Variants in LRCH1 observed in about 807,000 individuals in gnomAD.
LRCH1 encodes leucine-rich repeat and calponin homology domain-containing protein 1.
In LRCH1, 23 loss-of-function variants were observed where a neutral mutation model predicts 94.9. The ratio of observed to expected loss-of-function variants is 0.24; its 90% CI spans 0.17 to 0.34. LRCH1 has a LOEUF of 0.34. Among genes scored for constraint, LRCH1 ranks in the 10% least tolerant of loss-of-function variants. The pLI is 1.00. For missense variants in LRCH1, 790 were observed against 945.9 expected, an observed-to-expected ratio of 0.84 and a Z score of 2.16; for synonymous variants, 364 against 354.9, an observed-to-expected ratio of 1.03 and a Z score of -0.29.
At chr13:46,659,382 A>G (rs2051416646) in intron 2 of LRCH1, among the ~76,000 whole-genome samples, 1 of 151,898 alleles carries the variant, frequency 6.6e-6, no homozygotes, top group Non-Finnish European at 1.5e-5. Flanking sequence ...TATTTGAGAC[A>G]GGGTTTCACC....
chr13:46,742,739 T>C lies in LRCH1; in HGVS notation c.*891T>C, dbSNP rs563361905. On this transcript the variant is annotated 3_prime_UTR_variant, in exon 20 of 20. Transcript: ENST00000389797. ...ACTGCCGGTCCAGAATGTGACGGAT[T>C]CGACTCTATTCATTTTCAAATAAAG... The C allele has an allele frequency of 2.3e-5, 23 of 985,480 alleles. No homozygotes were observed. Among genetic ancestry groups the C allele is most frequent in the East Asian group, 1.1e-4 (1 of 8,822 alleles). The allele number at this position is 985,480 out of a possible 1,614,324, so 61.0% of individuals were successfully genotyped here.
At chr13:46,682,823 C>T (rs1264622857) in intron 4 of LRCH1, among the ~76,000 whole-genome samples, 1 of 152,184 alleles carries the variant, frequency 6.6e-6, no homozygotes, top group Non-Finnish European at 1.5e-5. Flanking sequence ...GCTTCCATAG[C>T]ATGTCTGTCC....
At chr13:46,708,356 C>T (rs1258174388) in intron 13 of LRCH1, among the ~76,000 whole-genome samples, 2 of 150,976 alleles carry the variant, frequency 1.3e-5, no homozygotes, top group Non-Finnish European at 2.9e-5. Context: ...ACTGCAACCT[C>T]CACCTCGTGG....
chr13:46,715,295 G>A (rs577761877), intron 15 of LRCH1, among the ~76,000 whole-genome samples: 1 of 152,248 alleles, frequency 6.6e-6, no homozygotes, highest in South Asian at 2.1e-4. Flanking sequence ...TGGGCTTGCA[G>A]AACTGTTAAG....
In LRCH1 at chr13:46,570,436, G is replaced by A. The variant is rs143528852; in HGVS notation, c.307+16733G>A. Among the ~76,000 whole-genome samples, 357 of 152,252 alleles carry A rather than the reference G, an allele frequency of 2.3e-3. 1 individual carries two copies. The highest frequency in any genetic ancestry group is 8.1e-3 in the African/African-American group (337 of 41,544). On this transcript the variant is annotated intron_variant, in intron 1 of 19. Transcript: ENST00000389797. ...ATTGAGAATTAGATCTCTAAAAAAC[G>A]GAGGCTCTGTTTACATAATTCATTC...
chr13:46,733,666 G>A (rs994274969), intron 18 of LRCH1, among the ~76,000 whole-genome samples: 1 of 151,610 alleles, frequency 6.6e-6, no homozygotes, highest in African/African-American at 2.4e-5. Context: ...ATATACATAG[G>A]CATATATGTA....
Position 46,579,460 on chromosome 13 carries a change from TTTC to T in LRCH1, c.307+25760_307+25762del, listed in dbSNP as rs1223518384. Among the ~76,000 whole-genome samples, 8 of 43,734 alleles carry T rather than the reference TTTC, an allele frequency of 1.8e-4. No individual in the cohort carries two copies. The African/African-American group carries it at 1.8e-3, about 10-fold the overall frequency. 28.7% of individuals were successfully genotyped at this position (43,734 alleles called of 152,430 possible). A position where few individuals can be genotyped will look rare whatever the true frequency, so the allele number is the denominator to read the frequency against. ...TTATTTTTTCTTCCTTGGAATTTCT[TTTC>T]TTTTTTTTTTTTAACCATATATGCT... On this transcript the variant is annotated intron_variant, in intron 1 of 19. Transcript: ENST00000389797.
Position 46,715,683 on chromosome 13 carries a change from A to T in LRCH1, c.1759+19A>T, listed in dbSNP as rs551075593. ...GACAATGGTAGGTGGCTTTGTACCT[A>T]TTCTCCAATGTTCTCATTAATAAGC... On this transcript the variant is annotated intron_variant, in intron 16 of 19. Transcript: ENST00000389797. 4 of 1,433,400 alleles carry T rather than the reference A, an allele frequency of 2.8e-6. No individual in the cohort carries two copies. The highest frequency in any genetic ancestry group is 3.8e-6 in the Non-Finnish European group (4 of 1,052,166). 88.8% of individuals were successfully genotyped at this position (1,433,400 alleles called of 1,614,324 possible).
chr13:46,630,451 C>A (rs2051004821), intron 1 of LRCH1, among the ~76,000 whole-genome samples: 2 of 152,180 alleles, frequency 1.3e-5, no homozygotes, highest in African/African-American at 4.8e-5. Flanking sequence ...GACTTAAGCT[C>A]TTATAAATCA....
chr13:46,588,791 C>T lies in LRCH1; in HGVS notation c.307+35088C>T, dbSNP rs9595497. Among the ~76,000 whole-genome samples the T allele has an allele frequency of 7.6e-3, 1,150 of 151,838 alleles. 8 individuals carry two copies. Among genetic ancestry groups the T allele is most frequent in the African/African-American group, 0.024 (992 of 41,408 alleles). ...AACTTTTTTGTATATTTAGTAGAGA[C>T]GGGGTTTTGCCATGTTGGCCAGGCT... On this transcript the variant is annotated intron_variant, in intron 1 of 19. Coordinates refer to ENST00000389797, the MANE Select transcript of LRCH1 (RefSeq NM_001164211.2).
intron 18 of LRCH1, among the ~76,000 whole-genome samples, chr13:46,730,211 G>A (rs1310470721): frequency 6.6e-6 from 1 of 152,170 alleles, no homozygotes; most frequent in Non-Finnish European, 1.5e-5. Context: ...AATTCTAAAA[G>A]CTATACAACT....
intron 17 of LRCH1, among the ~76,000 whole-genome samples, chr13:46,726,820 T>C (rs1271345464): frequency 9.2e-6 from 1 of 108,974 alleles, no homozygotes; most frequent in African/African-American, 3.6e-5. Context: ...CACCTGGCGG[T>C]AACAAGATGG....
rs1210605225 is a variant in LRCH1 at position 46,651,942 on chromosome 13, CA to C, written c.452+1598del. On this transcript the variant is annotated intron_variant, in intron 2 of 19. Coordinates refer to ENST00000389797, the MANE Select transcript of LRCH1 (RefSeq NM_001164211.2). ...TTGCTCTGTCGCCCAGGCTGGAGTG[CA>C]GTGGCGCGATCTCGGCTCACTGCAA... 6.8e-5 allele frequency among the ~76,000 whole-genome samples: 10 copies of C among 146,248 alleles called. No homozygotes were observed. The East Asian group carries it at 1.6e-3, about 24-fold the overall frequency.
intron 16 of LRCH1, among the ~76,000 whole-genome samples, chr13:46,719,690 C>A (rs534321474): frequency 6.6e-6 from 1 of 152,342 alleles, no homozygotes; most frequent in South Asian, 2.1e-4. Context: ...ATGTGCAAAT[C>A]TTTTTCATTC....
chr13:46,615,233 C>T (rs1483582957), intron 1 of LRCH1, among the ~76,000 whole-genome samples: 4 of 152,286 alleles, frequency 2.6e-5, no homozygotes, highest in Admixed American at 6.5e-5. Context: ...GCATCTGCTC[C>T]GCTACCTGTG....
chr13:46,731,677 C>G (rs1190478047), intron 18 of LRCH1, among the ~76,000 whole-genome samples: 1 of 152,216 alleles, frequency 6.6e-6, no homozygotes, highest in Non-Finnish European at 1.5e-5. Context: ...CACCAAGCAT[C>G]TTGATGACCT....
At chr13:46,643,374 C>T (rs9590970) in intron 1 of LRCH1, among the ~76,000 whole-genome samples, 243 of 152,296 alleles carry the variant, frequency 1.6e-3, no homozygotes, top group African/African-American at 5.7e-3. Context: ...GAACCATGAA[C>T]GGACTGCCCT....
chr13:46,640,523 G>A (rs1182638367), intron 1 of LRCH1, among the ~76,000 whole-genome samples: 1 of 152,224 alleles, frequency 6.6e-6, no homozygotes, highest in African/African-American at 2.4e-5. Flanking sequence ...CTTGGGCTGG[G>A]TGGAAACATG....
At chr13:46,753,019 T>C (rs1874204381) in exon 19 of LRCH1, 1 of 151,844 alleles carries the variant, frequency 6.6e-6, no homozygotes, top group Non-Finnish European at 1.5e-5. Context: ...TTAACAGCCA[T>C]TAAAATCTTG....
Sources: allele counts gnomAD v4.1 joint callset (sites outside exome capture counted in the v4.1 genomes callset), GRCh38; gene constraint gnomAD v4.1.1; transcripts MANE v1.5; gene names NCBI Gene and HGNC (gene_info 2026-07-23, HGNC 2026-07-21).